The following SEMA3C variants were observed in gnomAD, a reference collection of about 807,000 sequenced individuals.
SEMA3C encodes semaphorin 3C.
In SEMA3C, 47 loss-of-function variants were observed where a neutral mutation model predicts 89.4. The ratio of observed to expected loss-of-function variants is 0.53; its 90% CI spans 0.42 to 0.67. SEMA3C has a LOEUF of 0.67. Among genes scored for constraint, SEMA3C ranks in the 30% least tolerant of loss-of-function variants. The pLI, the probability that SEMA3C is intolerant of heterozygous loss-of-function variation, is 0.00. For synonymous variants in SEMA3C, 310 were observed against 320.2 expected (o/e 0.97, Z 0.34); for missense variants, 839 against 929.1 (o/e 0.90, Z 1.26).
chr7:80,796,162 C>T (rs1789059559), intron 11 of SEMA3C, among the ~76,000 whole-genome samples: 1 of 152,176 alleles, frequency 6.6e-6, no homozygotes, highest in Non-Finnish European at 1.5e-5. Context: ...GTAATCACAA[C>T]CACCTCTTAA....
At chr7:80,875,398 G>GTA (rs1469809054) in intron 2 of SEMA3C, among the ~76,000 whole-genome samples, 1 of 152,042 alleles carries the variant, frequency 6.6e-6, no homozygotes, top group African/African-American at 2.4e-5. Flanking sequence ...AGTGCACTCA[G>GTA]TATATATATT....
At chr7:80,908,262 T>A (rs1025596035) in intron 2 of SEMA3C, among the ~76,000 whole-genome samples, 5 of 152,196 alleles carry the variant, frequency 3.3e-5, no homozygotes, top group African/African-American at 1.2e-4. Flanking sequence ...CTAATTTTGT[T>A]ACTGCTGTCT....
At chr7:80,848,751 A>G (rs781212864) in intron 2 of SEMA3C, among the ~76,000 whole-genome samples, 59 of 152,070 alleles carry the variant, frequency 3.9e-4, no homozygotes, top group Non-Finnish European at 6.5e-4. Flanking sequence ...CCATTCTTTC[A>G]TCTCATTTTA....
At chr7:80,833,317 C>G (rs1790051718) in intron 2 of SEMA3C, among the ~76,000 whole-genome samples, 1 of 151,950 alleles carries the variant, frequency 6.6e-6, no homozygotes, top group South Asian at 2.1e-4. Context: ...CATGTAATCC[C>G]AGCTACTCAG....
chr7:80,790,235 G>A (rs1788904309), intron 11 of SEMA3C, among the ~76,000 whole-genome samples: 1 of 151,976 alleles, frequency 6.6e-6, no homozygotes, highest in Non-Finnish European at 1.5e-5. Flanking sequence ...TGTGAACTGT[G>A]ATGAAACCAC....
chr7:80,891,065 T>G (rs1435902037), intron 2 of SEMA3C, among the ~76,000 whole-genome samples: 2 of 152,180 alleles, frequency 1.3e-5, no homozygotes, highest in Non-Finnish European at 2.9e-5. Flanking sequence ...ACTTCTTGAT[T>G]TATAGCAGTC....
At chr7:80,838,597 A>G (rs1016740865) in intron 2 of SEMA3C, among the ~76,000 whole-genome samples, 2 of 152,200 alleles carry the variant, frequency 1.3e-5, no homozygotes, top group Non-Finnish European at 2.9e-5. Context: ...TCACACTGCT[A>G]CAAAGATAGT....
intron 2 of SEMA3C, 69 bp from the exon 3 acceptor site, chr7:80,828,814 A>T: frequency 8.4e-7 from 1 of 1,186,086 alleles, no homozygotes; most frequent in Non-Finnish European, 1.2e-6. Flanking sequence ...TTTAATAAAA[A>T]CTATTATGCA....
At chr7:80,899,336 C>T (rs999487989) in intron 2 of SEMA3C, among the ~76,000 whole-genome samples, 6 of 152,068 alleles carry the variant, frequency 3.9e-5, no homozygotes, top group South Asian at 2.1e-4. Context: ...CCACTGTGCT[C>T]GGCCTCAACT....
At chr7:80,752,438 C>T (rs1297636272) in intron 15 of SEMA3C, among the ~76,000 whole-genome samples, 3 of 151,872 alleles carry the variant, frequency 2.0e-5, no homozygotes, top group African/African-American at 4.8e-5. Flanking sequence ...AGTAAAACCC[C>T]GTCTCTACTA....
chr7:80,799,841 GA>G, intron 10 of SEMA3C, among the ~76,000 whole-genome samples: 1 of 143,560 alleles, frequency 7.0e-6, no homozygotes, highest in South Asian at 2.2e-4. Flanking sequence ...GCAGCAGAGC[GA>G]GACCCAATCT....
chr7:80,874,486 G>A (rs368111936), intron 2 of SEMA3C, among the ~76,000 whole-genome samples: 6 of 56,526 alleles, frequency 1.1e-4, no homozygotes, highest in Non-Finnish European at 2.4e-4. Context: ...TTATTTATGA[G>A]ACGGAGTTTC....
intron 4 of SEMA3C, among the ~76,000 whole-genome samples, chr7:80,821,942 C>CT (rs34674568): frequency 0.069 from 10,489 of 152,202 alleles, 443 homozygotes; most frequent in Middle Eastern, 0.13. Flanking sequence ...AATGTGCTCC[C>CT]TGCCCCTCCC....
At chr7:80,768,698 G>A (rs1207078808) in intron 12 of SEMA3C, among the ~76,000 whole-genome samples, 3 of 152,018 alleles carry the variant, frequency 2.0e-5, no homozygotes, top group Non-Finnish European at 4.4e-5. Context: ...ACAACCTATT[G>A]GAATTAGCAG....
At chr7:80,897,024 G>A (rs1399525518) in intron 2 of SEMA3C, among the ~76,000 whole-genome samples, 1 of 152,160 alleles carries the variant, frequency 6.6e-6, no homozygotes, top group Non-Finnish European at 1.5e-5. Context: ...GCAGGTAGGC[G>A]CCGGAGAGCA....
chr7:80,862,626 G>A (rs1006097239), intron 2 of SEMA3C, among the ~76,000 whole-genome samples: 3 of 152,014 alleles, frequency 2.0e-5, no homozygotes, highest in African/African-American at 2.4e-5. Context: ...AAAAGAGCCT[G>A]TATAGCCAAA....
intron 2 of SEMA3C, among the ~76,000 whole-genome samples, chr7:80,903,898 A>T (rs1791945144): frequency 6.6e-6 from 1 of 151,992 alleles, no homozygotes; most frequent in South Asian, 2.1e-4. Context: ...TTCTACTTCC[A>T]CTCCCCTACC....
At chr7:80,817,700 A>C (rs79836884) in intron 5 of SEMA3C, among the ~76,000 whole-genome samples, 1 of 152,328 alleles carries the variant, frequency 6.6e-6, no homozygotes, top group East Asian at 1.9e-4. Flanking sequence ...TTTAAGAATA[A>C]GGCTGGAATA....
rs145568632 is a variant in SEMA3C at position 80,762,918 on chromosome 7, G to A, written c.1444-1261C>T. On this transcript the variant is annotated intron_variant, in intron 13 of 17. Transcript: ENST00000265361. ...AGCTCTCAAAATCAAATGTACCCCC[G>A]TTATTTTGTTTTCTGGAGCTGCATG... 5.0e-3 allele frequency among the ~76,000 whole-genome samples: 768 copies of A among 152,228 alleles called. 6 individuals carry two copies. The highest frequency in any genetic ancestry group is 0.017 in the African/African-American group (721 of 41,518).
Sources: gnomAD v4.1 joint callset for allele counts (sites outside exome capture counted in the v4.1 genomes callset) on GRCh38, gnomAD v4.1.1 for gene constraint, MANE v1.5 for transcripts, NCBI Gene and HGNC (gene_info 2026-07-23, HGNC 2026-07-21) for gene names.